The following BMPR2 variants were observed in gnomAD, a reference collection of about 807,000 sequenced individuals.
BMPR2 encodes bone morphogenetic protein receptor type 2.
Under a neutral mutation model 100.8 loss-of-function variants are expected in BMPR2, and 29 were observed. That is an observed-to-expected ratio of 0.29 (90% CI 0.21 to 0.39). BMPR2 has a LOEUF of 0.39. BMPR2 is among the 10% of genes least tolerant of loss of function. BMPR2 has a pLI of 1.00. For synonymous variants in BMPR2, 382 were observed against 442.3 expected (o/e 0.86, Z 1.71); for missense variants, 1,011 against 1,274.5 (o/e 0.79, Z 3.15).
At chr2:202,450,919 C>T (rs556711310) in intron 1 of BMPR2, among the ~76,000 whole-genome samples, 45 of 152,218 alleles carry the variant, frequency 3.0e-4, no homozygotes, top group African/African-American at 1.0e-3. Flanking sequence ...GAAAGGAATA[C>T]TGTTGCTTCA....
chr2:202,398,000 T>C (rs1293871483), intron 1 of BMPR2, among the ~76,000 whole-genome samples: 2 of 151,224 alleles, frequency 1.3e-5, no homozygotes, highest in Non-Finnish European at 2.9e-5. Flanking sequence ...CAGGCACCTA[T>C]AATCACAGCT....
chr2:202,528,304 C>T (rs1356885144), intron 7 of BMPR2, among the ~76,000 whole-genome samples: 1 of 152,218 alleles, frequency 6.6e-6, no homozygotes, highest in Admixed American at 6.5e-5. Context: ...TCTCCTGCCT[C>T]AGCCTCCAGA....
intron 1 of BMPR2, among the ~76,000 whole-genome samples, chr2:202,459,321 C>G (rs1692181181): frequency 6.6e-6 from 1 of 152,022 alleles, no homozygotes; most frequent in Non-Finnish European, 1.5e-5. Context: ...AGAAATAGAA[C>G]CTTATTAAGA....
chr2:202,475,374 C>T (rs945462345), intron 3 of BMPR2, among the ~76,000 whole-genome samples: 8 of 151,922 alleles, frequency 5.3e-5, no homozygotes, highest in African/African-American at 1.5e-4. Flanking sequence ...TAACATCTCA[C>T]GTACCCCATA....
intron 1 of BMPR2, among the ~76,000 whole-genome samples, chr2:202,412,042 G>T (rs1691023074): frequency 6.6e-6 from 1 of 152,136 alleles, no homozygotes. Context: ...AATTGCAAGT[G>T]ATTATGTAAG....
At position 202,555,414 on chromosome 2, in the gene BMPR2, C is replaced by A. The variant is rs755765731; in HGVS notation, c.1749C>A (p.Asn583Lys). 3.2e-5 allele frequency: 52 copies of A among 1,614,014 alleles called. No individual in the cohort carries two copies. Among genetic ancestry groups the A allele is most frequent in the South Asian group, 1.4e-4 (13 of 91,082 alleles). The part of the protein sequence containing the change: ...SSTPLTIGEK[N>K]RNSINYERQQ... The stretch of plus-strand genomic sequence containing the variant: ...CACCTTTGACTATAGGGGAAAAAAA[C>A]CGAAATTCAATTAACTATGAACGAC... The change falls in exon 12 of 13, where the codon AAC (asparagine) becomes AAA (lysine). Residue 583 changes from asparagine (N) to lysine (K), a missense_variant. Transcript: ENST00000374580.
chr2:202,513,637 C>G (rs545808005), intron 3 of BMPR2, 82 bp from the exon 4 acceptor site: 1 of 991,958 alleles, frequency 1.0e-6, no homozygotes, highest in Non-Finnish European at 1.6e-6. Context: ...ATGGGTACAG[C>G]CTTTCTAAAG....
At chr2:202,394,830 T>C (rs1690626527) in intron 1 of BMPR2, among the ~76,000 whole-genome samples, 2 of 152,008 alleles carry the variant, frequency 1.3e-5, no homozygotes, top group African/African-American at 4.8e-5. Context: ...GTCTAGAAAG[T>C]GACAGAACTG....
intron 10 of BMPR2, among the ~76,000 whole-genome samples, chr2:202,551,346 C>G (rs371741300): frequency 6.8e-6 from 1 of 147,140 alleles, no homozygotes; most frequent in African/African-American, 2.5e-5. Context: ...GAAACCCCGT[C>G]TCTACTAAAG....
intron 10 of BMPR2, among the ~76,000 whole-genome samples, chr2:202,543,289 A>G (rs1688315272): frequency 1.6e-5 from 2 of 127,658 alleles, no homozygotes; most frequent in Admixed American, 7.7e-5. Flanking sequence ...ATTCACAACA[A>G]TGAAATATCT....
chr2:202,481,639 C>T (rs1692662238), intron 3 of BMPR2, among the ~76,000 whole-genome samples: 1 of 152,094 alleles, frequency 6.6e-6, no homozygotes, highest in Non-Finnish European at 1.5e-5. Flanking sequence ...AATTCATGAA[C>T]ACGATATCTT....
At chr2:202,526,753 A>G (rs1049237118) in intron 7 of BMPR2, among the ~76,000 whole-genome samples, 1 of 152,260 alleles carries the variant, frequency 6.6e-6, no homozygotes, top group Non-Finnish European at 1.5e-5. Context: ...ATTTAAACAG[A>G]GCTGTTACTC....
At position 202,503,388 on chromosome 2, in the gene BMPR2, G is replaced by A. The variant is rs538488859; in HGVS notation, c.419-10331G>A. The stretch of plus-strand genomic sequence containing the variant: ...GCTTGCAGGGAGGTGTGGAGGGAGA[G>A]GCGCAAGCAGGAACCGGGGCGGCGT... On this transcript the variant is annotated intron_variant, in intron 3 of 12. Transcript: ENST00000374580. This position sits in a 1 kb window ranked among gnomAD's most constrained non-coding sequence, Gnocchi z 4.0. Among the ~76,000 whole-genome samples, 103 of 152,368 alleles carry A rather than the reference G, an allele frequency of 6.8e-4. No individual in the cohort carries two copies. Among genetic ancestry groups the A allele is most frequent in the African/African-American group, 2.4e-3 (99 of 41,596 alleles).
chr2:202,485,157 A>C (rs924282791), intron 3 of BMPR2, among the ~76,000 whole-genome samples: 1 of 152,036 alleles, frequency 6.6e-6, no homozygotes, highest in Non-Finnish European at 1.5e-5. Flanking sequence ...TTATTTTTGA[A>C]TAATATAAAT....
At chr2:202,534,356 A>G (rs1404602035) in intron 9 of BMPR2, among the ~76,000 whole-genome samples, 3 of 151,454 alleles carry the variant, frequency 2.0e-5, no homozygotes, top group African/African-American at 7.3e-5. Flanking sequence ...AGGTCAGCAG[A>G]TAAACAAGTG....
At chr2:202,403,012 G>A (rs112610042) in intron 1 of BMPR2, among the ~76,000 whole-genome samples, 24,547 of 151,024 alleles carry the variant, frequency 0.16, 2,375 homozygotes, top group Middle Eastern at 0.24. Context: ...ATTTTTAGTA[G>A]AGATGGGATT....
At chr2:202,393,561 G>T (rs1376566833) in intron 1 of BMPR2, among the ~76,000 whole-genome samples, 1 of 152,104 alleles carries the variant, frequency 6.6e-6, no homozygotes, top group African/African-American at 2.4e-5. Flanking sequence ...CTCCCAAAGT[G>T]TTGGGGCTAC....
intron 5 of BMPR2, among the ~76,000 whole-genome samples, chr2:202,516,517 A>G (rs1687713944): frequency 6.6e-6 from 1 of 152,166 alleles, no homozygotes; most frequent in African/African-American, 2.4e-5. Flanking sequence ...TATTTTGTAA[A>G]AAATACAAAA....
At chr2:202,419,710 A>C (rs1045735408) in intron 1 of BMPR2, among the ~76,000 whole-genome samples, 1 of 152,174 alleles carries the variant, frequency 6.6e-6, no homozygotes, top group Non-Finnish European at 1.5e-5. Context: ...GAAGTATTTC[A>C]GTTTCCATAA....
Sources: gnomAD v4.1 joint callset for allele counts (sites outside exome capture counted in the v4.1 genomes callset) on GRCh38, gnomAD v4.1.1 for gene constraint, Gnocchi (gnomAD v3.1) non-coding constraint, MANE v1.5 for transcripts, NCBI Gene and HGNC (gene_info 2026-07-23, HGNC 2026-07-21) for gene names.